The following SLC8A3 variants were observed in gnomAD, a reference collection of about 807,000 sequenced individuals.
SLC8A3 encodes sodium/calcium exchanger 3.
SLC8A3 carries 37 observed loss-of-function variants against 65.4 expected under a neutral mutation model. The observed-to-expected ratio is 0.57, with a 90% confidence interval of 0.44 to 0.74. The LOEUF (loss-of-function observed/expected upper bound fraction) is 0.74, where lower values mean the gene tolerates loss of function less well. SLC8A3 is among the 30% of genes least tolerant of loss of function. The probability of loss-of-function intolerance (pLI) is 0.00; values close to 1 mark genes in which losing one functional copy is unlikely to be tolerated. For synonymous variants in SLC8A3, 461 were observed against 444.5 expected (o/e 1.04, Z -0.47); for missense variants, 1,112 against 1,172.1 (o/e 0.95, Z 0.75).
chr14:70,060,965 G>A (rs748562286), intron 2 of SLC8A3, 26 bp from the exon 3 acceptor site: 2 of 1,073,258 alleles, frequency 1.9e-6, no homozygotes, highest in African/African-American at 1.6e-5. Flanking sequence ...GAGAGAGAGT[G>A]TGTCGACTGG....
In SLC8A3 at chr14:70,135,733, A is replaced by T. The variant is rs1304421485; in HGVS notation, c.1784+30906T>A. On this transcript the variant is annotated intron_variant, in intron 2 of 6. Coordinates refer to ENST00000356921, the MANE Select transcript of SLC8A3 (RefSeq NM_182932.3). ...GGTGGTAGAGAGTAGATTGGTGGTT[A>T]CCAGAGGCTGGTAAGGGAAGTGGGA... 2.6e-5 allele frequency among the ~76,000 whole-genome samples: 4 copies of T among 152,228 alleles called. No homozygotes were observed. The East Asian group carries it at 7.7e-4, about 29-fold the overall frequency.
intron 2 of SLC8A3, among the ~76,000 whole-genome samples, chr14:70,131,832 C>T (rs992300230): frequency 3.3e-5 from 5 of 151,986 alleles, no homozygotes; most frequent in Admixed American, 2.0e-4. Context: ...GTGACAAACA[C>T]GGTGAGAGAA....
In SLC8A3 at chr14:70,168,140, C is replaced by T. The variant is rs1439265292; in HGVS notation, c.283G>A (p.Ala95Thr). The T allele has an allele frequency of 6.2e-7, 1 of 1,614,134 alleles. No homozygotes were observed. Among genetic ancestry groups the T allele is most frequent in the East Asian group, 2.2e-5 (1 of 44,870 alleles). The change falls in exon 2 of 7, where the codon GCT becomes ACT. Residue 95 changes from alanine to threonine, a missense_variant. Physicochemically the swap from Ala to Thr is moderately conservative, Grantham distance 58 (BLOSUM62 0). Coordinates refer to ENST00000356921, the MANE Select transcript of SLC8A3 (RefSeq NM_182932.3). Reference sequence around the variant, plus strand: ...TCAATAGATGCCATGAAGCGGTCAGCAATGATGGACACCCCAAGGAACATG... The same window carrying T: ...TCAATAGATGCCATGAAGCGGTCAGTAATGATGGACACCCCAAGGAACATG... ...IYMFLGVSII[A>T]DRFMASIEVI...
At chr14:70,087,284 A>G (rs1958185) in intron 2 of SLC8A3, among the ~76,000 whole-genome samples, 136,666 of 152,304 alleles carry the variant, frequency 0.9, 61,502 homozygotes, top group East Asian at 1. Flanking sequence ...GAAGACACAG[A>G]CAGATGGCGC....
At chr14:70,153,282 C>G (rs555431981) in intron 2 of SLC8A3, among the ~76,000 whole-genome samples, 1 of 152,064 alleles carries the variant, frequency 6.6e-6, no homozygotes, top group Admixed American at 6.5e-5. Flanking sequence ...GTGTGAGGCA[C>G]CTTTACTAGA....
In SLC8A3 at chr14:70,187,732, G is replaced by A. The variant is rs1214140145; in HGVS notation, c.-63+647C>T. Among the ~76,000 whole-genome samples, 3 of 151,824 alleles carry A rather than the reference G, an allele frequency of 2.0e-5. No homozygotes were observed. The East Asian group carries it at 5.8e-4, about 29-fold the overall frequency. On this transcript the variant is annotated intron_variant, in intron 1 of 6. Transcript: ENST00000356921. ...GTCCCGGATCACGCAGACCACCAGG[G>A]GCTGGAGAGTGCAGCACTGGAGAAA...
rs143209436 is a variant in SLC8A3, at chr14:70,075,272, G to A, written c.1785-14333C>T. Among the ~76,000 whole-genome samples the A allele has an allele frequency of 2.2e-3, 336 of 152,178 alleles. 2 individuals carry two copies. The highest frequency in any genetic ancestry group is 7.7e-3 in the African/African-American group (321 of 41,520). ...TCTCAGCCTTTCGGGCTCTCTGTTC[G>A]TCTCTTCCTTCACTCCTCACTGGCC... On this transcript the variant is annotated intron_variant, in intron 2 of 6. Transcript: ENST00000356921.
At chr14:70,104,501 A>G in intron 2 of SLC8A3, among the ~76,000 whole-genome samples, 1 of 152,160 alleles carries the variant, frequency 6.6e-6, no homozygotes, top group East Asian at 1.9e-4. Flanking sequence ...CAATTCGTCT[A>G]TTATTTATGA....
intron 2 of SLC8A3, among the ~76,000 whole-genome samples, chr14:70,087,381 G>A (rs981019532): frequency 6.6e-6 from 1 of 152,180 alleles, no homozygotes; most frequent in Non-Finnish European, 1.5e-5. Context: ...AACATTGGCC[G>A]CTGATGTACC....
At chr14:70,187,653 G>T (rs1176255670) in intron 1 of SLC8A3, among the ~76,000 whole-genome samples, 1 of 149,748 alleles carries the variant, frequency 6.7e-6, no homozygotes, top group Admixed American at 6.7e-5. Flanking sequence ...GCGCGCGCGT[G>T]TGTGTTGGGG....
At chr14:70,133,083 C>T (rs1403973586) in intron 2 of SLC8A3, among the ~76,000 whole-genome samples, 1 of 149,340 alleles carries the variant, frequency 6.7e-6, no homozygotes, top group African/African-American at 2.5e-5. Flanking sequence ...TGAGACCAAA[C>T]AGATGTTTTT....
rs780965689 is a variant in SLC8A3 at position 70,126,568 on chromosome 14, TCTCACACA to T, written c.1784+40063_1784+40070del. ...AAAATTCTCTCTCTCTCTCTCTCTC[TCTCACACA>T]CACACACACACACACACACACACAC... On this transcript the variant is annotated intron_variant, in intron 2 of 6. Transcript: ENST00000356921. Among the ~76,000 whole-genome samples the T allele has an allele frequency of 1.5e-3, 189 of 122,342 alleles. 2 individuals carry two copies. In the East Asian group the frequency reaches 0.026, roughly 17 times the overall value. 80.3% of individuals were successfully genotyped at this position (122,342 alleles called of 152,430 possible). A position where few individuals can be genotyped will look rare whatever the true frequency, so the allele number is the denominator to read the frequency against.
intron 2 of SLC8A3, among the ~76,000 whole-genome samples, chr14:70,118,920 T>A (rs919042314): frequency 6.6e-6 from 1 of 152,212 alleles, no homozygotes; most frequent in Non-Finnish European, 1.5e-5. Flanking sequence ...TGTTCTTTCA[T>A]GAAATACTTG....
intron 2 of SLC8A3, among the ~76,000 whole-genome samples, chr14:70,077,300 C>T (rs1322573129): frequency 2.0e-5 from 3 of 152,198 alleles, no homozygotes; most frequent in Non-Finnish European, 4.4e-5. Context: ...GTTTCCACAA[C>T]ATCTTTCCTT....
intron 2 of SLC8A3, among the ~76,000 whole-genome samples, chr14:70,157,121 T>G (rs1194770128): frequency 1.3e-5 from 2 of 152,154 alleles, no homozygotes; most frequent in Non-Finnish European, 2.9e-5. Context: ...GCTGGGGGAT[T>G]CTGAAGTGGC....
Position 70,045,654 on chromosome 14 carries a change from T to C in SLC8A3, c.*293A>G, listed in dbSNP as rs1886677585. ...AGAAGGAGGCGAAAGGCTCTGACCT[T>C]TGCTTTGGGTCAGGGATATGAGGGG... On this transcript the variant is annotated 3_prime_UTR_variant, in exon 7 of 7. Coordinates refer to ENST00000356921, the MANE Select transcript of SLC8A3 (RefSeq NM_182932.3). 1 of 295,826 alleles carries C rather than the reference T, an allele frequency of 3.4e-6. No homozygotes were observed. Among genetic ancestry groups the C allele is most frequent in the African/African-American group, 2.1e-5 (1 of 47,352 alleles). The allele number at this position is 295,826 out of a possible 1,614,324, so 18.3% of individuals were successfully genotyped here. A position where few individuals can be genotyped will look rare whatever the true frequency, so the allele number is the denominator to read the frequency against.
intron 2 of SLC8A3, chr14:70,080,154 C>T (rs1214892769): frequency 3.0e-6 from 3 of 985,308 alleles, no homozygotes; most frequent in Non-Finnish European, 3.6e-6. Flanking sequence ...GTCTGGATGC[C>T]TCTAGCTGTC....
intron 2 of SLC8A3, among the ~76,000 whole-genome samples, chr14:70,145,831 G>A (rs1242883410): frequency 6.6e-6 from 1 of 152,166 alleles, no homozygotes; most frequent in Non-Finnish European, 1.5e-5. Context: ...CTAACAAGCT[G>A]TGGTTAGCAG....
intron 2 of SLC8A3, among the ~76,000 whole-genome samples, chr14:70,076,082 C>G (rs1417306370): frequency 6.6e-6 from 1 of 152,234 alleles, no homozygotes; most frequent in Admixed American, 6.5e-5. Context: ...CCACCACCCA[C>G]TCGGCCTGGT....
Sources: allele counts gnomAD v4.1 joint callset (sites outside exome capture counted in the v4.1 genomes callset), GRCh38; gene constraint gnomAD v4.1.1; transcripts MANE v1.5; gene names NCBI Gene and HGNC (gene_info 2026-07-23, HGNC 2026-07-21).